Variants in INTS6 observed in about 807,000 individuals in gnomAD.
INTS6 encodes the protein integrator complex subunit 6.
In INTS6, 16 loss-of-function variants were observed where a neutral mutation model predicts 104.9. The observed-to-expected ratio is 0.15, with a 90% CI of 0.10 to 0.23. The LOEUF (loss-of-function observed/expected upper bound fraction) is 0.23. Ranked by LOEUF, INTS6 falls within the 10% of genes least tolerant of loss-of-function variation. The pLI is 1.00. For synonymous variants in INTS6, 324 were observed against 358.7 expected (o/e 0.90, Z 1.09); for missense variants, 584 against 1,062.8 (o/e 0.55, Z 6.26).
chr13:51,360,601 G>T (rs981836805), downstream of INTS6, among the ~76,000 whole-genome samples: 1 of 152,018 alleles, frequency 6.6e-6, no homozygotes, highest in Non-Finnish European at 1.5e-5. Flanking sequence ...CTTATAATCT[G>T]TGAAACTGTT....
chr13:51,397,998 T>C (rs1366593202), intron 4 of INTS6, among the ~76,000 whole-genome samples: 2 of 152,112 alleles, frequency 1.3e-5, no homozygotes, highest in African/African-American at 4.8e-5. Context: ...ATTTTACACA[T>C]AGCTATATCA....
At chr13:51,381,428 A>T (rs545500751) in intron 10 of INTS6, among the ~76,000 whole-genome samples, 2 of 152,320 alleles carry the variant, frequency 1.3e-5, no homozygotes, top group East Asian at 3.9e-4. Flanking sequence ...TCTATGTAAC[A>T]GAACCAATAA....
the INTS6 span, chr13:51,347,205 T>C: frequency 2.5e-6 from 4 of 1,613,948 alleles, no homozygotes; most frequent in Non-Finnish European, 3.4e-6. Context: ...CAGGTCCCCA[T>C]GATGCACCAA....
At chr13:51,391,186 T>C (rs1029096444) in intron 5 of INTS6, among the ~76,000 whole-genome samples, 1 of 152,150 alleles carries the variant, frequency 6.6e-6, no homozygotes, top group East Asian at 1.9e-4. Flanking sequence ...CATCTTTACA[T>C]GCAAAATATT....
At chr13:51,438,019 A>G (rs1952722850) in intron 3 of INTS6, 1 of 152,208 alleles carries the variant, frequency 6.6e-6, no homozygotes, top group Admixed American at 6.5e-5. Context: ...AAAAACAATA[A>G]TAATTAAAAA....
At chr13:51,413,827 A>G (rs936246677) in intron 4 of INTS6, among the ~76,000 whole-genome samples, 2 of 152,138 alleles carry the variant, frequency 1.3e-5, no homozygotes, top group African/African-American at 4.8e-5. Flanking sequence ...TCTGAAGCAA[A>G]AATGTACAAG....
rs1260395278 is a variant in INTS6, at chr13:51,365,520, A to C, written c.*232T>G. On this transcript the variant is annotated 3_prime_UTR_variant, in exon 18 of 18. Coordinates refer to ENST00000311234, the MANE Select transcript of INTS6 (RefSeq NM_012141.3). ...GCAAGAGATTTGGAGGAATATTTTT[A>C]GTTTGTTAAATTAAAAATGTTTTTT... The C allele has an allele frequency of 1.2e-5, 3 of 259,524 alleles. No individual in the cohort carries two copies. Among genetic ancestry groups the C allele is most frequent in the Middle Eastern group, 1.2e-3 (1 of 844 alleles). The allele number at this position is 259,524 out of a possible 1,614,324, so 16.1% of individuals were successfully genotyped here.
Position 51,430,365 on chromosome 13 carries a change from A to G in INTS6, c.358T>C (p.Leu120=), listed in dbSNP as rs768232634. ...ATTGTGATAATTATTGCTGGCTCCA[A>G]GAAAAAAGGGTTTCTTCCCTAAAGT... The part of the protein sequence containing the change: ...NYGQGRNPFF[L]EPAIIITITD... The change falls in exon 4 of 18, where the codon TTG becomes CTG. Residue 120 remains leucine (L), a synonymous_variant. Transcript: ENST00000311234. 2 of 1,611,398 alleles carry G rather than the reference A, an allele frequency of 1.2e-6. No homozygotes were observed.
intron 7 of INTS6, among the ~76,000 whole-genome samples, chr13:51,386,346 C>T (rs561790800): frequency 5.3e-5 from 8 of 152,042 alleles, no homozygotes; most frequent in East Asian, 1.9e-4. Context: ...CATACAAATA[C>T]GGTATCTGTT....
chr13:51,446,552 G>A (rs1485734823), intron 3 of INTS6: 1 of 152,122 alleles, frequency 6.6e-6, no homozygotes, highest in Non-Finnish European at 1.5e-5. Context: ...TTTCATTTCA[G>A]GGTATATATC....
chr13:51,364,346 C>A lies in INTS6; in HGVS notation c.*1406G>T. On this transcript the variant is annotated 3_prime_UTR_variant, in exon 18 of 18. Transcript: ENST00000311234. ...AAGTTATAATTTCATTTTGCTATAC[C>A]CTTGAAATTTAAAAAAATGTCTGAT... 1 of 917,268 alleles carries A rather than the reference C, an allele frequency of 1.1e-6. No homozygotes were observed. The highest frequency in any genetic ancestry group is 1.7e-5 in the African/African-American group (1 of 58,242). The allele number at this position is 917,268 out of a possible 1,614,324, so 56.8% of individuals were successfully genotyped here.
At chr13:51,375,496 A>G (rs1955903920) in intron 13 of INTS6, among the ~76,000 whole-genome samples, 1 of 150,542 alleles carries the variant, frequency 6.6e-6, no homozygotes, top group Admixed American at 6.6e-5. Context: ...AAAAAGTCGC[A>G]TAGCTAACTC....
intron 13 of INTS6, 130 bp from the exon 14 acceptor site, chr13:51,374,926 T>G: frequency 1.1e-6 from 1 of 926,680 alleles, no homozygotes; most frequent in East Asian, 2.7e-5. Context: ...TAAATTTGTT[T>G]GGTGCAATTA....
chr13:51,435,076 T>A (rs1245100712), intron 3 of INTS6, among the ~76,000 whole-genome samples: 1 of 151,902 alleles, frequency 6.6e-6, no homozygotes, highest in East Asian at 1.9e-4. Flanking sequence ...GTTCTGTCAA[T>A]ATTCACCTTG....
chr13:51,440,583 G>A (rs1482174481), intron 3 of INTS6: 1 of 152,072 alleles, frequency 6.6e-6, no homozygotes, highest in Non-Finnish European at 1.5e-5. Flanking sequence ...CATGGTAAGT[G>A]CCCTATCTAG....
chr13:51,357,790 C>T (rs1323578274), downstream of INTS6, among the ~76,000 whole-genome samples: 1 of 152,064 alleles, frequency 6.6e-6, no homozygotes, highest in African/African-American at 2.4e-5. Context: ...TTAGGATCAG[C>T]AGGCTTTGAT....
At position 51,452,401 on chromosome 13, in the gene INTS6, C is replaced by T. The variant is rs764506057; in HGVS notation, c.111+14G>A. The T allele has an allele frequency of 8.3e-6, 13 of 1,562,580 alleles. No individual in the cohort carries two copies. The highest frequency in any genetic ancestry group is 2.0e-4 in the Middle Eastern group (1 of 4,942). Reference sequence around the variant, plus strand: ...CCGGGCCGGGGTCGCCGCCCGGGCTCGGTCAGTCGGTACCTTCATGAAGGT... The same window carrying T: ...CCGGGCCGGGGTCGCCGCCCGGGCTTGGTCAGTCGGTACCTTCATGAAGGT... On this transcript the variant is annotated intron_variant, in intron 1 of 17. Coordinates refer to ENST00000311234, the MANE Select transcript of INTS6 (RefSeq NM_012141.3). This position sits in a 1 kb window ranked among gnomAD's most constrained non-coding sequence, Gnocchi z 4.2.
intron 3 of INTS6, among the ~76,000 whole-genome samples, chr13:51,434,067 T>G (rs68178365): frequency 2.3e-3 from 352 of 152,344 alleles, no homozygotes; most frequent in Non-Finnish European, 4.4e-3. Flanking sequence ...CTAAATTCTC[T>G]TGGACATAAT....
intron 4 of INTS6, among the ~76,000 whole-genome samples, chr13:51,399,963 G>C (rs768149377): frequency 6.6e-6 from 1 of 152,124 alleles, no homozygotes; most frequent in Non-Finnish European, 1.5e-5. Context: ...GCCTGTTAAG[G>C]AATGGGGCCA....
Sources: gnomAD v4.1 joint callset for allele counts (sites outside exome capture counted in the v4.1 genomes callset) on GRCh38, gnomAD v4.1.1 for gene constraint, Gnocchi (gnomAD v3.1) non-coding constraint, MANE v1.5 for transcripts, NCBI Gene and HGNC (gene_info 2026-07-23, HGNC 2026-07-21) for gene names.